The following KLHL1 variants were observed in gnomAD, a reference collection of about 807,000 sequenced individuals.
The protein encoded by KLHL1 is kelch like family member 1, also known as kelch-like protein 1.
Under a neutral mutation model 77.7 loss-of-function variants are expected in KLHL1, and 47 were observed. The ratio of observed to expected loss-of-function variants is 0.60; its 90% confidence interval spans 0.48 to 0.77. The LOEUF (loss-of-function observed/expected upper bound fraction) is 0.77, where lower values mean the gene tolerates loss of function less well. Among genes scored for constraint, KLHL1 ranks in the 30% least tolerant of loss-of-function variants. The probability of loss-of-function intolerance (pLI) is 0.00; values close to 1 mark genes in which losing one functional copy is unlikely to be tolerated. For synonymous variants in KLHL1, 360 were observed against 325.2 expected (o/e 1.11, Z -1.15); for missense variants, 925 against 910.8 (o/e 1.02, Z -0.20).
intron 6 of KLHL1, among the ~76,000 whole-genome samples, chr13:69,832,789 C>G (rs529049609): frequency 3.3e-5 from 5 of 152,114 alleles, no homozygotes; most frequent in East Asian, 3.9e-4. Context: ...ATAGAAAACC[C>G]AGCAAGAGAG....
chr13:69,859,258 C>CT (rs34612932), intron 5 of KLHL1, among the ~76,000 whole-genome samples: 1,782 of 143,476 alleles, frequency 0.012, 18 homozygotes, highest in African/African-American at 0.021. Flanking sequence ...CCATTTTGCA[C>CT]TTTTTTTTTT....
chr13:69,714,075 T>G (rs1297203387), intron 9 of KLHL1, among the ~76,000 whole-genome samples: 2 of 152,058 alleles, frequency 1.3e-5, no homozygotes, highest in Non-Finnish European at 2.9e-5. Context: ...TTAAATCCCC[T>G]CCTTAAAAAT....
intron 1 of KLHL1, among the ~76,000 whole-genome samples, chr13:70,042,991 C>T (rs1391912491): frequency 4.6e-5 from 7 of 152,110 alleles, no homozygotes; most frequent in Non-Finnish European, 8.8e-5. Flanking sequence ...CTGCAACCTC[C>T]GCCTCCCAGA....
intron 8 of KLHL1, among the ~76,000 whole-genome samples, chr13:69,731,609 C>T (rs759144563): frequency 1.3e-5 from 2 of 152,020 alleles, no homozygotes; most frequent in African/African-American, 4.8e-5. Context: ...AGTTCAATAG[C>T]GAACACTTTA....
chr13:69,980,166 C>G lies in KLHL1; in HGVS notation c.498-4364G>C, dbSNP rs374261115. On this transcript the variant is annotated intron_variant, in intron 1 of 10. Coordinates refer to ENST00000377844, the MANE Select transcript of KLHL1 (RefSeq NM_020866.3). Reference sequence around the variant, plus strand: ...GTACCAAATGATTCTCAGGTGAAACCTGTTTCCCTATTTCTTTGTTAAACA... The same window carrying G: ...GTACCAAATGATTCTCAGGTGAAACGTGTTTCCCTATTTCTTTGTTAAACA... Among the ~76,000 whole-genome samples, 22 of 152,324 alleles carry G rather than the reference C, an allele frequency of 1.4e-4. No homozygotes were observed. The South Asian group carries it at 3.5e-3, about 24-fold the overall frequency.
intron 2 of KLHL1, 28 bp downstream of exon 2, chr13:69,975,592 T>A: frequency 6.3e-7 from 1 of 1,588,904 alleles, no homozygotes; most frequent in East Asian, 2.3e-5. Context: ...TGTGAATGCA[T>A]GTTTCCAGTA....
intron 1 of KLHL1, among the ~76,000 whole-genome samples, chr13:69,977,457 TCAAA>T (rs1310678507): frequency 6.6e-6 from 1 of 151,868 alleles, no homozygotes; most frequent in Non-Finnish European, 1.5e-5. Context: ...TAGAAAATAC[TCAAA>T]CTAAGTTACT....
At chr13:70,084,683 G>A (rs1343523917) in intron 1 of KLHL1, among the ~76,000 whole-genome samples, 1 of 120,942 alleles carries the variant, frequency 8.3e-6, no homozygotes, top group Non-Finnish European at 1.6e-5. Context: ...CACTGTGTTA[G>A]CCAGGATGGT....
intron 1 of KLHL1, among the ~76,000 whole-genome samples, chr13:70,005,185 T>C (rs963992845): frequency 3.3e-5 from 5 of 151,906 alleles, no homozygotes; most frequent in African/African-American, 1.2e-4. Context: ...AAAATAAACA[T>C]TTATATCTAA....
chr13:70,088,932 T>C (rs532413540), intron 1 of KLHL1, among the ~76,000 whole-genome samples: 65 of 152,290 alleles, frequency 4.3e-4, no homozygotes, highest in Admixed American at 2.4e-3. Context: ...TATTTACATA[T>C]GTAGTTTGGC....
chr13:69,740,572 A>C lies in KLHL1; in HGVS notation c.1640-16T>G, dbSNP rs1482495630. 6.3e-7 allele frequency: 1 copy of C among 1,584,924 alleles called. No homozygotes were observed. The highest frequency in any genetic ancestry group is 1.3e-5 in the African/African-American group (1 of 74,598). On this transcript the variant is annotated splice_polypyrimidine_tract_variant and intron_variant, in intron 7 of 10. Transcript: ENST00000377844. The stretch of plus-strand genomic sequence containing the variant: ...ACTGTTACACCTAAAATATTAGATA[A>C]ATGAATGTAGTGCCTATAGTTAATA...
At chr13:69,972,610 A>C (rs1414076687) in intron 2 of KLHL1, among the ~76,000 whole-genome samples, 2 of 151,890 alleles carry the variant, frequency 1.3e-5, no homozygotes, top group African/African-American at 4.8e-5. Flanking sequence ...TTTTTGGCGT[A>C]TATCCTTCAA....
At chr13:70,038,581 A>ATTTTTTTTTTTTTT (rs55885952) in intron 1 of KLHL1, among the ~76,000 whole-genome samples, 1 of 73,052 alleles carries the variant, frequency 1.4e-5, no homozygotes, top group Non-Finnish European at 2.4e-5. Context: ...ATTGTCATTA[A>ATTTTTTTTTTTTTT]TTTTTTTTTT....
intron 4 of KLHL1, among the ~76,000 whole-genome samples, chr13:69,899,008 A>G (rs1441807710): frequency 9.6e-6 from 1 of 104,240 alleles, no homozygotes; most frequent in Non-Finnish European, 1.9e-5. Flanking sequence ...AAATGCAATA[A>G]AAATTACACA....
chr13:69,967,603 C>T (rs559790660), intron 2 of KLHL1, among the ~76,000 whole-genome samples: 162 of 152,240 alleles, frequency 1.1e-3, no homozygotes, highest in African/African-American at 3.8e-3. Flanking sequence ...TATTACACAA[C>T]CTGGTGGGGC....
intron 1 of KLHL1, among the ~76,000 whole-genome samples, chr13:69,991,512 A>G (rs1321638406): frequency 1.3e-5 from 2 of 151,982 alleles, no homozygotes; most frequent in Non-Finnish European, 2.9e-5. Flanking sequence ...CACTGACCCC[A>G]AGAAATACAA....
chr13:70,101,423 G>GTA (rs1181113182), intron 1 of KLHL1, among the ~76,000 whole-genome samples: 13 of 151,408 alleles, frequency 8.6e-5, no homozygotes, highest in Admixed American at 2.6e-4. Flanking sequence ...TTCAATAGCC[G>GTA]TATATATATA....
At chr13:69,889,861 A>G (rs1881362931) in intron 4 of KLHL1, among the ~76,000 whole-genome samples, 1 of 152,086 alleles carries the variant, frequency 6.6e-6, no homozygotes, top group Non-Finnish European at 1.5e-5. Flanking sequence ...AAAGGAACAC[A>G]TAAGTGTTAG....
chr13:69,849,977 C>A (rs1165366800), intron 5 of KLHL1, among the ~76,000 whole-genome samples: 1 of 151,492 alleles, frequency 6.6e-6, no homozygotes, highest in African/African-American at 2.4e-5. Context: ...TTAGAAACCT[C>A]TTTGCTAAAC....
Sources: gnomAD v4.1 joint callset for allele counts (sites outside exome capture counted in the v4.1 genomes callset) on GRCh38, gnomAD v4.1.1 for gene constraint, MANE v1.5 for transcripts, NCBI Gene and HGNC (gene_info 2026-07-23, HGNC 2026-07-21) for gene names.